WDPCP: variants seen among roughly 807,000 people sequenced by gnomAD.
The protein encoded by WDPCP is WD repeat-containing and planar cell polarity effector protein fritz homolog.
In WDPCP, 71 loss-of-function variants were observed where a neutral mutation model predicts 93.1. The observed-to-expected ratio is 0.76, with a 90% confidence interval of 0.63 to 0.93. The LOEUF (loss-of-function observed/expected upper bound fraction) is 0.93. WDPCP is among the 40% of genes least tolerant of loss of function. The pLI is 0.00. For missense variants in WDPCP, 844 were observed against 887.4 expected (o/e 0.95, Z 0.62); for synonymous variants, 315 against 315.0 (o/e 1.00, Z 0.00).
At chr2:63,264,019 T>C (rs1681875904) in intron 13 of WDPCP, among the ~76,000 whole-genome samples, 1 of 152,192 alleles carries the variant, frequency 6.6e-6, no homozygotes, top group South Asian at 2.1e-4. Context: ...TCCTTTCTGG[T>C]ATCTAATTTT....
intron 12 of WDPCP, among the ~76,000 whole-genome samples, chr2:63,355,592 C>T (rs1187620504): frequency 1.3e-5 from 2 of 152,108 alleles, no homozygotes; most frequent in Non-Finnish European, 2.9e-5. Flanking sequence ...ATCAAACCCA[C>T]ATATCAGCCA....
intron 17 of WDPCP, among the ~76,000 whole-genome samples, chr2:63,131,833 C>CTTTT (rs55670342): frequency 1.9e-5 from 2 of 107,716 alleles, no homozygotes; most frequent in African/African-American, 7.2e-5. Flanking sequence ...ATACAGTATT[C>CTTTT]TTTTTTTTTT....
chr2:63,701,563 G>C (rs1295512459), intron 2 of WDPCP, among the ~76,000 whole-genome samples: 3 of 152,170 alleles, frequency 2.0e-5, no homozygotes, highest in Non-Finnish European at 2.9e-5. Flanking sequence ...GTTTATTGCA[G>C]CACTATTCAT....
rs184709621 is a variant in WDPCP, at chr2:63,617,367, T to A, written n.488+33292A>T. Among the ~76,000 whole-genome samples the A allele has an allele frequency of 1.4e-4, 22 of 152,302 alleles. No individual in the cohort carries two copies. In the East Asian group the frequency reaches 2.3e-3, roughly 16 times the overall value. ...TCATATCTTCCTTATTTCATACGTG[T>A]TTGAGAGGGAAAAATGCTTTCTTAT... is the stretch of plus-strand genomic sequence containing the variant. On this transcript the variant is annotated intron_variant and non_coding_transcript_variant, in intron 3 of 4. Coordinates refer to the WDPCP transcript ENST00000467687.
chr2:63,133,027 C>T (rs1165002857), intron 17 of WDPCP, among the ~76,000 whole-genome samples: 1 of 152,126 alleles, frequency 6.6e-6, no homozygotes, highest in Non-Finnish European at 1.5e-5. Flanking sequence ...CCATGGAAGT[C>T]CTTTCCTAAT....
chr2:63,513,218 A>G (rs962412790), intron 1 of WDPCP, among the ~76,000 whole-genome samples: 5 of 152,238 alleles, frequency 3.3e-5, no homozygotes, highest in African/African-American at 1.2e-4. Flanking sequence ...TATTTACTGC[A>G]GAGAAAAAAG....
intron 3 of WDPCP, chr2:63,622,507 C>T: frequency 6.2e-7 from 1 of 1,613,934 alleles, no homozygotes; most frequent in Non-Finnish European, 8.5e-7. Flanking sequence ...CATCGTTCCT[C>T]CACCACCATC....
chr2:63,602,930 C>T (rs1450511570), intron 3 of WDPCP, among the ~76,000 whole-genome samples: 1 of 130,030 alleles, frequency 7.7e-6, no homozygotes, highest in African/African-American at 2.7e-5. Flanking sequence ...TTTATTTAAC[C>T]GTTCTTTTTT....
chr2:63,640,198 C>T (rs910580192), intron 3 of WDPCP, among the ~76,000 whole-genome samples: 1 of 152,082 alleles, frequency 6.6e-6, no homozygotes, highest in Non-Finnish European at 1.5e-5. Flanking sequence ...TTAGTAGAGA[C>T]GGGGTTTCAC....
chr2:63,154,140 T>C (rs1672072206), intron 15 of WDPCP, among the ~76,000 whole-genome samples: 1 of 151,060 alleles, frequency 6.6e-6, no homozygotes, highest in African/African-American at 2.4e-5. Flanking sequence ...CTTTCACTTA[T>C]TTTTTTTTGT....
At chr2:63,360,681 CAG>C (rs773624423) in intron 12 of WDPCP, among the ~76,000 whole-genome samples, 3 of 152,204 alleles carry the variant, frequency 2.0e-5, no homozygotes, top group Non-Finnish European at 4.4e-5. Context: ...CAGCTAAAAA[CAG>C]ATGTTAATTT....
At chr2:63,653,375 C>T (rs1575739425) in intron 2 of WDPCP, among the ~76,000 whole-genome samples, 1 of 152,144 alleles carries the variant, frequency 6.6e-6, no homozygotes, top group Non-Finnish European at 1.5e-5. Flanking sequence ...AGAGACTTTG[C>T]TGAATACATG....
At chr2:63,129,393 T>G (rs1327536169) in intron 17 of WDPCP, among the ~76,000 whole-genome samples, 1 of 152,270 alleles carries the variant, frequency 6.6e-6, no homozygotes, top group Non-Finnish European at 1.5e-5. Context: ...ATATTCCCAC[T>G]GGCAATGTAC....
chr2:63,797,479 GC>G (rs1670633499), intron 2 of WDPCP, among the ~76,000 whole-genome samples: 1 of 151,808 alleles, frequency 6.6e-6, no homozygotes, highest in Non-Finnish European at 1.5e-5. Flanking sequence ...AGAGTCCCAG[GC>G]CTGGCAGCAT....
chr2:63,659,289 T>C (rs966254678), intron 2 of WDPCP, among the ~76,000 whole-genome samples: 1 of 152,140 alleles, frequency 6.6e-6, no homozygotes, highest in African/African-American at 2.4e-5. Context: ...AAACTAGATA[T>C]CGTGAGCTGC....
intron 12 of WDPCP, among the ~76,000 whole-genome samples, chr2:63,314,375 G>A (rs1686471483): frequency 6.6e-6 from 1 of 151,984 alleles, no homozygotes; most frequent in South Asian, 2.1e-4. Context: ...TTGCCATGTT[G>A]CCCAGGCTGG....
At chr2:63,685,479 A>G (rs377589845) in intron 2 of WDPCP, among the ~76,000 whole-genome samples, 1 of 54,510 alleles carries the variant, frequency 1.8e-5, no homozygotes, top group Non-Finnish European at 3.5e-5. Context: ...CCCAGCGAAG[A>G]AAAGCCCAGG....
intron 10 of WDPCP, among the ~76,000 whole-genome samples, chr2:63,390,457 T>C (rs1195794616): frequency 7.9e-5 from 12 of 152,028 alleles, no homozygotes; most frequent in Non-Finnish European, 1.6e-4. Flanking sequence ...AGCAAAGATC[T>C]AAAATTGACA....
At chr2:63,355,291 C>T (rs1689935573) in intron 12 of WDPCP, among the ~76,000 whole-genome samples, 1 of 152,106 alleles carries the variant, frequency 6.6e-6, no homozygotes, top group Non-Finnish European at 1.5e-5. Flanking sequence ...CACCTATATT[C>T]AACATTCTTA....
Sources: gnomAD v4.1 joint callset for allele counts (sites outside exome capture counted in the v4.1 genomes callset) on GRCh38, gnomAD v4.1.1 for gene constraint, MANE v1.5 for transcripts, NCBI Gene and HGNC (gene_info 2026-07-23, HGNC 2026-07-21) for gene names.